Variants in SMARCA1 observed in about 807,000 individuals in gnomAD.
The protein encoded by SMARCA1 is SWI/SNF-related matrix-associated actin-dependent regulator of chromatin subfamily A member 1.
SMARCA1 carries 17 observed loss-of-function variants against 93.6 expected under a neutral mutation model. The ratio of observed to expected loss-of-function variants is 0.18; its 90% CI spans 0.12 to 0.27. The LOEUF is 0.27. SMARCA1 is among the 10% of genes least tolerant of loss of function. The pLI, the probability that SMARCA1 is intolerant of heterozygous loss-of-function variation, is 1.00. For missense variants in SMARCA1, 630 were observed against 819.0 expected, an observed-to-expected ratio of 0.77 and a Z score of 2.82; for synonymous variants, 271 against 271.4, an observed-to-expected ratio of 1.00 and a Z score of 0.01.
rs1444300431 is a variant in SMARCA1, at chrX:129,511,856, C to T, written c.758G>A (p.Arg253Gln). The T allele has an allele frequency of 5.8e-6, 7 of 1,204,268 alleles. No individual in the cohort carries two copies. Among genetic ancestry groups the T allele is most frequent in the Admixed American group, 2.2e-5 (1 of 45,448 alleles). ...TLHNWMNEFK[R>Q]WVPSLRVICF... is the part of the protein sequence containing the mutation. ...AATGACACGGAGAGATGGGACCCAT[C>T]GTTTAAATTCATTCATCCAGTTGTG... Residue 253 changes from arginine (R) to glutamine (Q), a missense_variant, in exon 6 of 25, where the codon CGA becomes CAA. Arg to Gln is a conservative substitution (Grantham distance 43). Transcript: ENST00000371121.
At chrX:129,451,593 A>T (rs1841894693) in intron 23 of SMARCA1, among the ~76,000 whole-genome samples, 1 of 111,826 alleles carries the variant, frequency 8.9e-6, no homozygotes, top group African/African-American at 3.3e-5. Flanking sequence ...TACTCCAGAC[A>T]GAAAAATAAT....
intron 9 of SMARCA1, 131 bp from the exon 10 acceptor site, chrX:129,499,972 G>A (rs779926826): frequency 4.7e-4 from 144 of 306,065 alleles, no homozygotes; most frequent in Middle Eastern, 2.0e-3. Flanking sequence ...TACCAGTTGC[G>A]AACTTTCTTG....
chrX:129,473,766 G>A (rs1412050978), intron 19 of SMARCA1, among the ~76,000 whole-genome samples: 1 of 111,916 alleles, frequency 8.9e-6, no homozygotes, highest in African/African-American at 3.2e-5. Flanking sequence ...CTAATCTATG[G>A]AGGGAAAGAT....
At chrX:129,477,286 G>A (rs890030443) in intron 19 of SMARCA1, among the ~76,000 whole-genome samples, 1 of 111,820 alleles carries the variant, frequency 8.9e-6, no homozygotes, top group Admixed American at 9.5e-5. Context: ...TGGGCGTGGC[G>A]GCTCACACCT....
chrX:129,476,643 A>G (rs1457643855), intron 19 of SMARCA1, among the ~76,000 whole-genome samples: 4 of 111,826 alleles, frequency 3.6e-5, no homozygotes, highest in African/African-American at 1.3e-4. Context: ...TCCCTTTTTG[A>G]GAATCTGTGT....
chrX:129,515,844 T>C (rs1935176949), intron 4 of SMARCA1, 50 bp downstream of exon 4: 5 of 1,154,988 alleles, frequency 4.3e-6, no homozygotes, highest in Middle Eastern at 2.4e-4. Context: ...AAGTAAAATT[T>C]TTCTAAAACT....
intron 23 of SMARCA1, among the ~76,000 whole-genome samples, chrX:129,452,673 C>T (rs1294461295): frequency 8.9e-6 from 1 of 112,060 alleles, no homozygotes; most frequent in Non-Finnish European, 1.9e-5. Context: ...TCGATTTGCA[C>T]ACCCTGGAAC....
At chrX:129,499,973 A>G (rs1934491110) in intron 9 of SMARCA1, 132 bp from the exon 10 acceptor site, 2 of 313,483 alleles carry the variant, frequency 6.4e-6, no homozygotes, top group South Asian at 1.1e-4. Flanking sequence ...ACCAGTTGCG[A>G]ACTTTCTTGG....
intron 12 of SMARCA1, among the ~76,000 whole-genome samples, chrX:129,494,999 T>C (rs1934267148): frequency 8.9e-6 from 1 of 112,581 alleles, no homozygotes; most frequent in South Asian, 3.7e-4. Context: ...CCACTGTCCA[T>C]ATGGGTTTTG....
At chrX:129,513,851 T>C (rs764472048) in intron 5 of SMARCA1, among the ~76,000 whole-genome samples, 3 of 111,651 alleles carry the variant, frequency 2.7e-5, no homozygotes, top group Non-Finnish European at 5.6e-5. Flanking sequence ...GGATGAGTAC[T>C]TATGCGACTG....
intron 19 of SMARCA1, among the ~76,000 whole-genome samples, chrX:129,475,379 C>T (rs1337301581): frequency 9.1e-6 from 1 of 109,995 alleles, no homozygotes; most frequent in Admixed American, 9.7e-5. Flanking sequence ...ACTAGCCGGG[C>T]GTGGTAATGG....
chrX:129,488,179 G>A (rs2124268586), intron 16 of SMARCA1, among the ~76,000 whole-genome samples: 1 of 102,105 alleles, frequency 9.8e-6, no homozygotes, highest in East Asian at 3.2e-4. Flanking sequence ...ACAATATTCT[G>A]AAACAACTTA....
At chrX:129,523,140 C>T in intron 1 of SMARCA1, 57 bp downstream of exon 1, 5 of 1,174,244 alleles carry the variant, frequency 4.3e-6, no homozygotes, top group Non-Finnish European at 5.8e-6. Context: ...GTTTGGGCCC[C>T]TCAGAGGGGC....
Position 129,486,999 on chromosome X carries a change from G to T in SMARCA1, c.2217+19C>A. On this transcript the variant is annotated intron_variant, in intron 17 of 24. Coordinates refer to ENST00000371121, the MANE Select transcript of SMARCA1 (RefSeq NM_001282874.2). Reference sequence around the variant, plus strand: ...GAAATGCTCATTTGAGGGTCTAATGGTTGAGAGTAAAAAGTTACCTTCTGT... The same window carrying T: ...GAAATGCTCATTTGAGGGTCTAATGTTTGAGAGTAAAAAGTTACCTTCTGT... 1 of 1,156,619 alleles carries T rather than the reference G, an allele frequency of 8.6e-7. No individual in the cohort carries two copies. The highest frequency in any genetic ancestry group is 1.2e-6 in the Non-Finnish European group (1 of 860,927).
Position 129,516,513 on chromosome X carries a change from A to G in SMARCA1, c.262-16T>C, listed in dbSNP as rs1445500733. 2 of 1,179,294 alleles carry G rather than the reference A, an allele frequency of 1.7e-6. No individual in the cohort carries two copies. On this transcript the variant is annotated splice_polypyrimidine_tract_variant and intron_variant, in intron 2 of 24. Transcript: ENST00000371121. Reference sequence around the variant, plus strand: ...GGTCGGCTTTCTAATTTGCAAAACAAAAGAAAAGTAAGGACTTTCCTTTTC... The same window carrying G: ...GGTCGGCTTTCTAATTTGCAAAACAGAAGAAAAGTAAGGACTTTCCTTTTC...
intron 24 of SMARCA1, among the ~76,000 whole-genome samples, chrX:129,447,673 T>C (rs753113408): frequency 8.9e-6 from 1 of 111,842 alleles, no homozygotes; most frequent in East Asian, 2.8e-4. Context: ...AACTTACAAC[T>C]GATGACAAAT....
At chrX:129,456,251 T>C (rs988406406) in intron 23 of SMARCA1, among the ~76,000 whole-genome samples, 1 of 111,663 alleles carries the variant, frequency 9.0e-6, no homozygotes, top group African/African-American at 3.3e-5. Context: ...GTATGAAGTA[T>C]TTATACTTTA....
At chrX:129,455,607 T>TA (rs201350905) in intron 23 of SMARCA1, among the ~76,000 whole-genome samples, 1,885 of 103,307 alleles carry the variant, frequency 0.018, 45 homozygotes, top group East Asian at 0.15. Context: ...AAGTATAATT[T>TA]AAAAAAAAAA....
At chrX:129,463,807 G>A (rs771836914) in intron 23 of SMARCA1, among the ~76,000 whole-genome samples, 77 of 110,198 alleles carry the variant, frequency 7.0e-4, no homozygotes, top group Admixed American at 1.6e-3. Context: ...GCGTGGTGCA[G>A]GTGCCTGTAA....
Sources: allele counts gnomAD v4.1 joint callset (sites outside exome capture counted in the v4.1 genomes callset), GRCh38; gene constraint gnomAD v4.1.1; transcripts MANE v1.5; gene names NCBI Gene and HGNC (gene_info 2026-07-23, HGNC 2026-07-21).